Variants in ZNF385D observed in about 807,000 individuals in gnomAD.
ZNF385D encodes the protein zinc finger protein 659.
A neutral mutation model predicts 35.8 loss-of-function variants in ZNF385D; 15 were observed. That is an observed-to-expected ratio of 0.42 (90% CI 0.28 to 0.64). The LOEUF is 0.64. Among genes scored for constraint, ZNF385D ranks in the 30% least tolerant of loss-of-function variants. The pLI is 0.23. For missense variants in ZNF385D, 474 were observed against 494.6 expected, an observed-to-expected ratio of 0.96 and a Z score of 0.39; for synonymous variants, 212 against 186.8, an observed-to-expected ratio of 1.13 and a Z score of -1.10.
chr3:21,467,074 T>G (rs544156251), intron 4 of ZNF385D, among the ~76,000 whole-genome samples: 6 of 152,166 alleles, frequency 3.9e-5, no homozygotes, highest in Admixed American at 3.9e-4. Flanking sequence ...ACTGATGGAG[T>G]AGGTAGTTTA....
intron 3 of ZNF385D, among the ~76,000 whole-genome samples, chr3:21,767,781 TAGATA>T (rs893193021): frequency 1.3e-5 from 2 of 152,078 alleles, no homozygotes; most frequent in African/African-American, 4.8e-5. Flanking sequence ...TGACAATATT[TAGATA>T]AAAGACAAAT....
At chr3:21,988,058 T>G (rs1187985197) in intron 3 of ZNF385D, among the ~76,000 whole-genome samples, 1 of 140,722 alleles carries the variant, frequency 7.1e-6, no homozygotes, top group Non-Finnish European at 1.6e-5. Flanking sequence ...GTTATTCTAG[T>G]TATACATTCT....
intron 1 of ZNF385D, among the ~76,000 whole-genome samples, chr3:21,700,768 A>C (rs1371423620): frequency 6.6e-6 from 1 of 152,244 alleles, no homozygotes; most frequent in Non-Finnish European, 1.5e-5. Context: ...GGAATATTTA[A>C]GTGATATGTA....
intron 5 of ZNF385D, among the ~76,000 whole-genome samples, chr3:21,430,112 T>C (rs1422478038): frequency 1.3e-5 from 2 of 151,412 alleles, no homozygotes; most frequent in Non-Finnish European, 2.9e-5. Context: ...TGACCTCCTA[T>C]ATAGTAGCAT....
At chr3:22,047,164 G>T (rs1189758905) in intron 3 of ZNF385D, among the ~76,000 whole-genome samples, 1 of 152,052 alleles carries the variant, frequency 6.6e-6, no homozygotes, top group Non-Finnish European at 1.5e-5. Flanking sequence ...ATGATGTTCT[G>T]AAATGTATAC....
intron 3 of ZNF385D, among the ~76,000 whole-genome samples, chr3:22,108,948 G>A (rs1242623992): frequency 6.6e-6 from 1 of 152,124 alleles, no homozygotes; most frequent in Non-Finnish European, 1.5e-5. Context: ...AGAAGCGGAG[G>A]TTGCAATGAG....
intron 2 of ZNF385D, among the ~76,000 whole-genome samples, chr3:22,293,180 T>A (rs1426581686): frequency 6.6e-6 from 1 of 152,108 alleles, no homozygotes; most frequent in African/African-American, 2.4e-5. Context: ...TAATCCTAGT[T>A]ATTATATTAT....
intron 2 of ZNF385D, among the ~76,000 whole-genome samples, chr3:21,583,436 T>C (rs2063722329): frequency 6.6e-6 from 1 of 152,146 alleles, no homozygotes; most frequent in African/African-American, 2.4e-5. Flanking sequence ...AATGCACACA[T>C]AGCAACAAAT....
At chr3:21,794,140 T>C (rs1212297457) in intron 3 of ZNF385D, among the ~76,000 whole-genome samples, 1 of 152,154 alleles carries the variant, frequency 6.6e-6, no homozygotes, top group Non-Finnish European at 1.5e-5. Context: ...GCAAAATTTC[T>C]TTTCGTGACC....
chr3:21,436,326 G>A (rs1233080721), intron 5 of ZNF385D, among the ~76,000 whole-genome samples: 1 of 151,992 alleles, frequency 6.6e-6, no homozygotes, highest in Non-Finnish European at 1.5e-5. Flanking sequence ...GACAGATCTG[G>A]GTTCAAATCA....
At chr3:21,678,357 G>A (rs1325205731) in intron 1 of ZNF385D, among the ~76,000 whole-genome samples, 2 of 152,020 alleles carry the variant, frequency 1.3e-5, no homozygotes, top group African/African-American at 4.8e-5. Context: ...GTGTTGACCT[G>A]GTAAATCTAC....
intron 2 of ZNF385D, among the ~76,000 whole-genome samples, chr3:22,183,052 A>G (rs1291758372): frequency 6.6e-6 from 1 of 152,148 alleles, no homozygotes; most frequent in Non-Finnish European, 1.5e-5. Context: ...GGCAAGGAAG[A>G]GCCTTAATAA....
At chr3:21,616,333 T>A (rs1187945307) in intron 2 of ZNF385D, among the ~76,000 whole-genome samples, 1 of 152,166 alleles carries the variant, frequency 6.6e-6, no homozygotes, top group African/African-American at 2.4e-5. Context: ...AGGAATGGCT[T>A]AATTTTTGTT....
At chr3:22,037,211 C>A (rs1698382087) in intron 3 of ZNF385D, among the ~76,000 whole-genome samples, 2 of 149,020 alleles carry the variant, frequency 1.3e-5, no homozygotes, top group Non-Finnish European at 3.0e-5. Context: ...TTTTATAATC[C>A]TTTGGGTATA....
intron 4 of ZNF385D, among the ~76,000 whole-genome samples, chr3:21,452,950 A>C (rs6799688): frequency 6.6e-6 from 1 of 151,484 alleles, no homozygotes; most frequent in African/African-American, 2.4e-5. Context: ...TAAAGTTAGA[A>C]GAATCACACT....
chr3:21,640,630 G>A lies in ZNF385D; in HGVS notation c.165+24256C>T, dbSNP rs2065576987. 2.6e-5 allele frequency among the ~76,000 whole-genome samples: 4 copies of A among 152,070 alleles called. No homozygotes were observed. The South Asian group carries it at 8.3e-4, about 31-fold the overall frequency. On this transcript the variant is annotated intron_variant, in intron 2 of 7. Coordinates refer to ENST00000281523, the MANE Select transcript of ZNF385D (RefSeq NM_024697.3). ...AAGATGATCATCTACAAGCCAGGAG[G>A]AAGTCCCTTGCCAAACACAGAATCT...
intron 2 of ZNF385D, among the ~76,000 whole-genome samples, chr3:22,266,433 A>T (rs1293493359): frequency 6.6e-6 from 1 of 151,902 alleles, no homozygotes; most frequent in Non-Finnish European, 1.5e-5. Context: ...AGGTGTAGGG[A>T]TCAGGACTCC....
chr3:21,461,832 A>C (rs1044685649), intron 4 of ZNF385D, among the ~76,000 whole-genome samples: 3 of 152,222 alleles, frequency 2.0e-5, no homozygotes, highest in Non-Finnish European at 2.9e-5. Context: ...GATGGCTACA[A>C]ATGTCCAGCA....
At chr3:21,570,694 A>G (rs2063308845) in intron 2 of ZNF385D, among the ~76,000 whole-genome samples, 1 of 152,116 alleles carries the variant, frequency 6.6e-6, no homozygotes, top group Admixed American at 6.6e-5. Flanking sequence ...AGGAGCTTTT[A>G]TGGCCCTTTG....
Sources: gnomAD v4.1 joint callset for allele counts (sites outside exome capture counted in the v4.1 genomes callset) on GRCh38, gnomAD v4.1.1 for gene constraint, MANE v1.5 for transcripts, NCBI Gene and HGNC (gene_info 2026-07-23, HGNC 2026-07-21) for gene names.